CFAP54: variants seen among roughly 807,000 people sequenced by gnomAD.
The protein encoded by CFAP54 is cilia- and flagella-associated protein 54.
Under a neutral mutation model 370.4 loss-of-function variants are expected in CFAP54, and 290 were observed. The ratio of observed to expected loss-of-function variants is 0.78; its 90% CI spans 0.71 to 0.86. CFAP54 has a LOEUF of 0.86. CFAP54 is among the 40% of genes least tolerant of loss of function. The probability of loss-of-function intolerance (pLI) is 0.00; values close to 1 mark genes in which losing one functional copy is unlikely to be tolerated. For missense variants in CFAP54, 3,399 were observed against 3,528.7 expected (o/e 0.96, Z 0.93); for synonymous variants, 1,206 against 1,236.5 (o/e 0.98, Z 0.52).
At chr12:96,597,967 C>G (rs528684047) in intron 25 of CFAP54, among the ~76,000 whole-genome samples, 24 of 151,770 alleles carry the variant, frequency 1.6e-4, no homozygotes, top group Non-Finnish European at 2.4e-4. Flanking sequence ...TGTACTGTAA[C>G]AATAGTAACA....
At chr12:96,729,316 GCTGTGGTGGGCTCCACC>G (rs1313293804) in intron 50 of CFAP54, among the ~76,000 whole-genome samples, 2 of 152,234 alleles carry the variant, frequency 1.3e-5, no homozygotes, top group Non-Finnish European at 2.9e-5. Flanking sequence ...GCCTCCTTGA[GCTGTGGTGGGCTCCACC>G]CTGTTCCAGC....
At chr12:96,717,411 A>G (rs956113) in intron 48 of CFAP54, among the ~76,000 whole-genome samples, 13,074 of 152,248 alleles carry the variant, frequency 0.086, 806 homozygotes, top group South Asian at 0.28. Context: ...CTGTTGAAAG[A>G]GGAGAGGAAG....
Position 96,658,222 on chromosome 12 carries a change from C to A in CFAP54, c.5336C>A (p.Thr1779Lys). Residue 1779 changes from threonine (T) to lysine (K), a missense_variant, in exon 38 of 68, where the codon ACA becomes AAA. By Grantham distance (78) the Thr-to-Lys change is moderately conservative. This residue lies in a region of CFAP54 where 2,796 missense variants were observed against 2,869.7 expected (regional missense o/e 0.97). Transcript: ENST00000524981. Reference sequence around the variant, plus strand: ...TTACCCCTGTCTAGTGAGAGGTATACAGAACAAGTGACACCACTTCTGGTG... The same window carrying A: ...TTACCCCTGTCTAGTGAGAGGTATAAAGAACAAGTGACACCACTTCTGGTG... ...QFNTVSHERY[T>K]EQVTPLLVYA... 1 of 1,613,732 alleles carries A rather than the reference C, an allele frequency of 6.2e-7. No homozygotes were observed. The highest frequency in any genetic ancestry group is 1.1e-5 in the South Asian group (1 of 91,036).
At chr12:96,716,728 T>C (rs1464862481) in intron 48 of CFAP54, among the ~76,000 whole-genome samples, 1 of 152,132 alleles carries the variant, frequency 6.6e-6, no homozygotes, top group Admixed American at 6.6e-5. Flanking sequence ...TAGAAAGCCA[T>C]AGGGTGGCAC....
At chr12:96,718,618 G>A (rs973151012) in intron 49 of CFAP54, 96 bp downstream of exon 49, 2 of 686,632 alleles carry the variant, frequency 2.9e-6, no homozygotes, top group African/African-American at 1.9e-5. Context: ...GCTTGCTCTT[G>A]TGAGAGCAGT....
chr12:96,845,021 A>G (rs1293470916), intron 66 of CFAP54, among the ~76,000 whole-genome samples: 1 of 152,210 alleles, frequency 6.6e-6, no homozygotes, highest in African/African-American at 2.4e-5. Context: ...AGAATTATTG[A>G]ATTTCTTCAT....
chr12:96,608,910 T>C (rs1179188546), intron 26 of CFAP54, among the ~76,000 whole-genome samples: 2 of 152,138 alleles, frequency 1.3e-5, no homozygotes, highest in Non-Finnish European at 1.5e-5. Context: ...AGATATAAGA[T>C]GGAAGAAATA....
intron 60 of CFAP54, among the ~76,000 whole-genome samples, chr12:96,777,405 A>G (rs1396965473): frequency 2.0e-5 from 3 of 150,974 alleles, no homozygotes; most frequent in South Asian, 2.1e-4. Context: ...GCTGGAGTGC[A>G]ATGGCGCAAT....
chr12:96,518,184 T>C (rs1406197711), intron 5 of CFAP54, among the ~76,000 whole-genome samples: 2 of 152,182 alleles, frequency 1.3e-5, no homozygotes, highest in Non-Finnish European at 1.5e-5. Flanking sequence ...AATCCAGGTT[T>C]ATTTGATTCT....
At chr12:96,627,984 A>T (rs1446192006) in intron 30 of CFAP54, among the ~76,000 whole-genome samples, 1 of 152,246 alleles carries the variant, frequency 6.6e-6, no homozygotes, top group Admixed American at 6.5e-5. Flanking sequence ...ATATGTTTAG[A>T]TACATAAATA....
In CFAP54 at chr12:96,768,158, TA is replaced by T. The variant is rs1470805945; in HGVS notation, c.8281+2945del. Among the ~76,000 whole-genome samples the T allele has an allele frequency of 2.0e-5, 3 of 152,066 alleles. No homozygotes were observed. The East Asian group carries it at 5.8e-4, about 30-fold the overall frequency. On this transcript the variant is annotated intron_variant, in intron 60 of 67. Coordinates refer to ENST00000524981, the MANE Select transcript of CFAP54 (RefSeq NM_001306084.2). The stretch of plus-strand genomic sequence containing the variant: ...CAACATGGTGAAACCCCGTCTCTAC[TA>T]AAAATACAAAAATTAGCCGGGTGTG...
At chr12:96,611,799 T>A (rs907966554) in intron 26 of CFAP54, among the ~76,000 whole-genome samples, 1 of 152,206 alleles carries the variant, frequency 6.6e-6, no homozygotes, top group East Asian at 1.9e-4. Context: ...CAACAGTGAT[T>A]GAAGATCAAA....
At chr12:96,575,531 G>A (rs540242660) in intron 19 of CFAP54, among the ~76,000 whole-genome samples, 1 of 152,194 alleles carries the variant, frequency 6.6e-6, no homozygotes, top group Non-Finnish European at 1.5e-5. Context: ...GAAAGAGGAG[G>A]AGGAGTAGTA....
intron 23 of CFAP54, among the ~76,000 whole-genome samples, chr12:96,590,049 G>T (rs117903071): frequency 0.015 from 2,282 of 152,242 alleles, 153 homozygotes; most frequent in Admixed American, 0.12. Flanking sequence ...GCCCGGCCAA[G>T]AAACTTTCTT....
At chr12:96,538,619 T>C in intron 13 of CFAP54, 101 bp downstream of exon 13, 1 of 1,201,960 alleles carries the variant, frequency 8.3e-7, no homozygotes, top group Non-Finnish European at 1.2e-6. Context: ...TTCACCTGGT[T>C]AATGACTTTC....
In CFAP54 at chr12:96,572,724, C is replaced by T. The variant is rs373944024; in HGVS notation, c.2620-3861C>T. 1.2e-4 allele frequency: 38 copies of T among 327,558 alleles called. No homozygotes were observed. The South Asian group carries it at 3.3e-3, about 28-fold the overall frequency. The allele number at this position is 327,558 out of a possible 1,614,324, so 20.3% of individuals were successfully genotyped here. A position where few individuals can be genotyped will look rare whatever the true frequency, so the allele number is the denominator to read the frequency against. ...GTTCTTGCTGTACTTTGGAATTATC[C>T]TTGGTGTTTGTAAATAATACAGATG... is the stretch of plus-strand genomic sequence containing the variant. On this transcript the variant is annotated intron_variant, in intron 19 of 67. Coordinates refer to ENST00000524981, the MANE Select transcript of CFAP54 (RefSeq NM_001306084.2).
At chr12:96,786,941 G>A (rs1204994699) in intron 62 of CFAP54, 43 bp downstream of exon 62, 2 of 1,326,170 alleles carry the variant, frequency 1.5e-6, no homozygotes, top group Non-Finnish European at 2.0e-6. Flanking sequence ...AAAACTTCTT[G>A]GAATCATCAT....
intron 66 of CFAP54, among the ~76,000 whole-genome samples, chr12:96,840,619 T>C (rs1180640873): frequency 2.0e-5 from 1 of 50,186 alleles, no homozygotes; most frequent in Non-Finnish European, 3.9e-5. Context: ...CTTTTCTCTG[T>C]TTCTTTCTTT....
In CFAP54 at chr12:96,725,392, G is replaced by A. The variant is rs889297075; in HGVS notation, c.6965+4827G>A. On this transcript the variant is annotated intron_variant, in intron 50 of 67. Transcript: ENST00000524981. ...AGTTCTCCTTGAAGAGGTCCTTCAC[G>A]TCCCTTGTAATTTGGATTCCTAAGT... Among the ~76,000 whole-genome samples the A allele has an allele frequency of 5.5e-4, 83 of 151,928 alleles. No homozygotes were observed. The Middle Eastern group carries it at 0.01, about 19-fold the overall frequency.
Sources: gnomAD v4.1 joint callset for allele counts (sites outside exome capture counted in the v4.1 genomes callset) on GRCh38, gnomAD v4.1.1 for gene constraint, gnomAD v4.1.1 regional missense constraint, MANE v1.5 for transcripts, NCBI Gene and HGNC (gene_info 2026-07-23, HGNC 2026-07-21) for gene names.